SREBF1: variants seen among roughly 807,000 people sequenced by gnomAD.
SREBF1 encodes the protein sterol regulatory element-binding protein 1.
SREBF1 carries 45 observed loss-of-function variants against 100.1 expected under a neutral mutation model. That is an observed-to-expected ratio of 0.45 (90% CI 0.35 to 0.58). The LOEUF is 0.58. SREBF1 is among the 20% of genes least tolerant of loss of function. The pLI, the probability that SREBF1 is intolerant of heterozygous loss-of-function variation, is 0.00. For synonymous variants in SREBF1, 657 were observed against 681.8 expected, an observed-to-expected ratio of 0.96 and a Z score of 0.57; for missense variants, 1,324 against 1,539.4, an observed-to-expected ratio of 0.86 and a Z score of 2.34.
rs1456629085 is a variant in SREBF1, at chr17:17,820,076, C to T, written c.523+14G>A. On this transcript the variant is annotated intron_variant, in intron 2 of 18. Coordinates refer to ENST00000261646, the MANE Select transcript of SREBF1 (RefSeq NM_004176.5). Reference sequence around the variant, plus strand: ...CCACCCCGGGTGTCCCCTCCCGCCACACATCCCCCTTACCTGTAGAGAAGC... The same window carrying T: ...CCACCCCGGGTGTCCCCTCCCGCCATACATCCCCCTTACCTGTAGAGAAGC... 5 of 1,606,894 alleles carry T rather than the reference C, an allele frequency of 3.1e-6. No individual in the cohort carries two copies. Among genetic ancestry groups the T allele is most frequent in the African/African-American group, 1.3e-5 (1 of 74,776 alleles).
chr17:17,813,974 T>C, intron 16 of SREBF1: 1 of 675,598 alleles, frequency 1.5e-6, no homozygotes, highest in East Asian at 2.7e-5. Context: ...GGAGCAGCTG[T>C]CCAGCCCTCC....
intron 1 of SREBF1, among the ~76,000 whole-genome samples, chr17:17,830,952 C>A (rs1039317095): frequency 2.6e-5 from 4 of 152,230 alleles, no homozygotes; most frequent in African/African-American, 9.6e-5. Flanking sequence ...CCGGCCTGGG[C>A]TCCACCTGTC....
Position 17,816,529 on chromosome 17 carries a change from G to C in SREBF1, c.1975C>G (p.Arg659Gly). 1 of 1,602,698 alleles carries C rather than the reference G, an allele frequency of 6.2e-7. No individual in the cohort carries two copies. Among genetic ancestry groups the C allele is most frequent in the Non-Finnish European group, 8.5e-7 (1 of 1,175,714 alleles). Residue 659 changes from arginine (R) to glycine (G), a missense_variant, in exon 10 of 19, where the codon CGA (arginine) becomes GGA (glycine). Coordinates refer to ENST00000261646, the MANE Select transcript of SREBF1 (RefSeq NM_004176.5). Reference sequence around the variant, plus strand: ...CGGGCGCTGGCGCTAGCATCCACTCGCAGAGCACAGTCCTGCTGCAGGCCC... The same window carrying C: ...CGGGCGCTGGCGCTAGCATCCACTCCCAGAGCACAGTCCTGCTGCAGGCCC... Reference protein sequence around the residue: ...AGGLQQDCALRVDASASARDA... With the variant: ...AGGLQQDCALGVDASASARDA...
At chr17:17,821,181 A>C (rs564878792) in intron 1 of SREBF1, among the ~76,000 whole-genome samples, 1 of 151,882 alleles carries the variant, frequency 6.6e-6, no homozygotes, top group African/African-American at 2.4e-5. Flanking sequence ...ACACATACAC[A>C]CTGCACCGTG....
intron 13 of SREBF1, 86 bp from the exon 14 acceptor site, chr17:17,815,030 G>T: frequency 1.5e-6 from 2 of 1,364,920 alleles, no homozygotes; most frequent in Non-Finnish European, 2.0e-6. Flanking sequence ...GTACAGCCTG[G>T]CCCCTGGCTC....
In SREBF1 at chr17:17,836,610, C is replaced by T. The variant is rs965459742; in HGVS notation, c.91+117G>A. 2.0e-5 allele frequency: 21 copies of T among 1,051,442 alleles called. No homozygotes were observed. In the African/African-American group the frequency reaches 3.3e-4, roughly 16 times the overall value. The allele number at this position is 1,051,442 out of a possible 1,614,324, so 65.1% of individuals were successfully genotyped here. A position where few individuals can be genotyped will look rare whatever the true frequency, so the allele number is the denominator to read the frequency against. On this transcript the variant is annotated intron_variant, in intron 1 of 18. Transcript: ENST00000261646. ...CGAGCTCAGAGACACCGGGAAGTCC[C>T]GCGCGAGCACAGCACGGAGCTGGCG...
At chr17:17,825,836 G>A (rs952055495) in intron 1 of SREBF1, among the ~76,000 whole-genome samples, 16 of 152,108 alleles carry the variant, frequency 1.1e-4, no homozygotes, top group African/African-American at 3.1e-4. Context: ...GGCTGGTCTC[G>A]AACTCCTGAC....
chr17:17,832,281 A>C (rs1889016), intron 1 of SREBF1, among the ~76,000 whole-genome samples: 1 of 152,162 alleles, frequency 6.6e-6, no homozygotes, highest in African/African-American at 2.4e-5. Flanking sequence ...TTATCAACAC[A>C]CTGTCTGAAA....
intron 1 of SREBF1, among the ~76,000 whole-genome samples, chr17:17,828,046 G>A (rs150947827): frequency 0.012 from 1,761 of 152,308 alleles, 23 homozygotes; most frequent in African/African-American, 0.036. Context: ...TGAACCAGCT[G>A]TGACCCCAGC....
rs2033888340 is a variant in SREBF1 at position 17,819,203 on chromosome 17, G to A, written c.878C>T (p.Thr293Ile). 1.2e-6 allele frequency: 2 copies of A among 1,614,010 alleles called. No individual in the cohort carries two copies. The highest frequency in any genetic ancestry group is 1.7e-5 in the Admixed American group (1 of 60,016). ...CTCCGCATCTACGACCAGTGGGACT[G>A]TTGCCAAGATGGTTCCGCCACTCAC... ...TLVSGGTILA[T>I]VPLVVDAEKL... Residue 293 changes from threonine (T) to isoleucine (I), a missense_variant, in exon 5 of 19, where the codon ACA (threonine) becomes ATA (isoleucine). Coordinates refer to ENST00000261646, the MANE Select transcript of SREBF1 (RefSeq NM_004176.5).
Position 17,819,253 on chromosome 17 carries a change from G to A in SREBF1, c.847-19C>T. 3.7e-6 allele frequency: 6 copies of A among 1,613,856 alleles called. No homozygotes were observed. Among genetic ancestry groups the A allele is most frequent in the Non-Finnish European group, 5.1e-6 (6 of 1,180,034 alleles). ...CCAGGGTCTGCAGGGCCAGGCACAT[G>A]TTACCAGGTGGGCATGTGTGTGTGT... On this transcript the variant is annotated intron_variant, in intron 4 of 18. Coordinates refer to ENST00000261646, the MANE Select transcript of SREBF1 (RefSeq NM_004176.5).
chr17:17,829,191 T>TAAA (rs1253225038), intron 1 of SREBF1, among the ~76,000 whole-genome samples: 10 of 44,936 alleles, frequency 2.2e-4, no homozygotes, highest in South Asian at 1.7e-3. Context: ...GACTCCATCT[T>TAAA]AAAAAAAAAA....
rs1423675448 is a variant in SREBF1, at chr17:17,817,547, C to G, written c.1405-90G>C. ...AAGGGGGGGGTCAGGATTCTGCCCA[C>G]CTTACTGTGGGACCCCACGTGGCTC... On this transcript the variant is annotated intron_variant, in intron 7 of 18. Transcript: ENST00000261646. This position sits in a 1 kb window ranked among gnomAD's most constrained non-coding sequence, Gnocchi z 6.6. 2.0e-6 allele frequency: 3 copies of G among 1,533,982 alleles called. No individual in the cohort carries two copies. In the African/African-American group the frequency reaches 4.1e-5, roughly 21 times the overall value.
intron 1 of SREBF1, among the ~76,000 whole-genome samples, chr17:17,827,695 G>A (rs962068204): frequency 2.6e-5 from 4 of 152,106 alleles, no homozygotes; most frequent in African/African-American, 9.7e-5. Context: ...AGGCTCAGAC[G>A]GAGGCCTCGT....
intron 6 of SREBF1, 141 bp from the exon 7 acceptor site, chr17:17,818,057 A>G: frequency 1.0e-6 from 1 of 959,430 alleles, no homozygotes; most frequent in Non-Finnish European, 1.6e-6. Context: ...GTTAGGGCCA[A>G]AGGGAGGCAC....
Position 17,812,679 on chromosome 17 carries a change from G to C in SREBF1, c.3387C>G (p.His1129Gln), listed in dbSNP as rs759916156. 2 of 1,608,100 alleles carry C rather than the reference G, an allele frequency of 1.2e-6. No individual in the cohort carries two copies. Among genetic ancestry groups the C allele is most frequent in the South Asian group, 2.2e-5 (2 of 90,178 alleles). ...GGCGCATGAGCATCTGCTGACAGTC[G>C]TGCAGCAGCCGGCGATCGCCAAGCT... is the stretch of plus-strand genomic sequence containing the variant. ...LEKLGDRRLL[H>Q]DCQQMLMRLG... The change falls in exon 19 of 19, where the codon CAC (histidine) becomes CAG (glutamine). Residue 1129 changes from histidine (H) to glutamine (Q), a missense_variant. Coordinates refer to ENST00000261646, the MANE Select transcript of SREBF1 (RefSeq NM_004176.5).
chr17:17,820,586 A>C, intron 1 of SREBF1, 65 bp from the exon 2 acceptor site: 1 of 1,517,008 alleles, frequency 6.6e-7, no homozygotes. Context: ...GGCATCACAC[A>C]CATCCAAACA....
At position 17,819,692 on chromosome 17, in the gene SREBF1, G is replaced by A; in HGVS notation, c.557C>T (p.Pro186Leu). Residue 186 changes from proline to leucine, a missense_variant, in exon 3 of 19, where the codon CCT becomes CTT. By Grantham distance (98) the Pro-to-Leu change is moderately conservative. Coordinates refer to ENST00000261646, the MANE Select transcript of SREBF1 (RefSeq NM_004176.5). ...TGGCGGGGAAGCCAGTGGCAGGCCAGGCAGCGGCTGCTGGGTGTTCCCGGG... is the reference window on the plus strand; with the variant it reads ...TGGCGGGGAAGCCAGTGGCAGGCCAAGCAGCGGCTGCTGGGTGTTCCCGGG... ...SPPGNTQQPL[P>L]GLPLASPPGV... 6.2e-7 allele frequency: 1 copy of A among 1,609,482 alleles called. No homozygotes were observed. The highest frequency in any genetic ancestry group is 8.5e-7 in the Non-Finnish European group (1 of 1,178,904).
chr17:17,822,305 C>G (rs1189903851), intron 1 of SREBF1, among the ~76,000 whole-genome samples: 1 of 152,260 alleles, frequency 6.6e-6, no homozygotes, highest in Non-Finnish European at 1.5e-5. Context: ...GGCTTAGGGC[C>G]AAGCCAGCTG....
Sources: gnomAD v4.1 joint callset for allele counts (sites outside exome capture counted in the v4.1 genomes callset) on GRCh38, gnomAD v4.1.1 for gene constraint, Gnocchi (gnomAD v3.1) non-coding constraint, MANE v1.5 for transcripts, NCBI Gene and HGNC (gene_info 2026-07-23, HGNC 2026-07-21) for gene names.